FRMD5: variants seen among roughly 807,000 people sequenced by gnomAD.
The protein encoded by FRMD5 is FERM domain-containing protein 5.
FRMD5 carries 20 observed loss-of-function variants against 69.0 expected under a neutral mutation model. The ratio of observed to expected loss-of-function variants is 0.29; its 90% CI spans 0.20 to 0.42. FRMD5 has a LOEUF of 0.42. Among genes scored for constraint, FRMD5 ranks in the 10% least tolerant of loss-of-function variants. The pLI, the probability that FRMD5 is intolerant of heterozygous loss-of-function variation, is 1.00. For synonymous variants in FRMD5, 271 were observed against 260.1 expected (o/e 1.04, Z -0.40); for missense variants, 595 against 708.6 (o/e 0.84, Z 1.82).
intron 1 of FRMD5, among the ~76,000 whole-genome samples, chr15:44,084,511 A>T (rs1894115039): frequency 6.6e-6 from 1 of 152,126 alleles, no homozygotes; most frequent in Admixed American, 6.6e-5. Flanking sequence ...ATATGAATTC[A>T]GATATAAATG....
chr15:43,997,309 A>G (rs1190397774), intron 1 of FRMD5, among the ~76,000 whole-genome samples: 1 of 151,456 alleles, frequency 6.6e-6, no homozygotes, highest in Non-Finnish European at 1.5e-5. Context: ...TTCTCTGCGC[A>G]CTCCTCTCCC....
chr15:44,062,605 G>A (rs1422651422), intron 1 of FRMD5, among the ~76,000 whole-genome samples: 1 of 150,504 alleles, frequency 6.6e-6, no homozygotes, highest in South Asian at 2.1e-4. Context: ...GCAGAGAACT[G>A]CTTGAACCTG....
chr15:43,985,227 G>A (rs1396373264), intron 1 of FRMD5, among the ~76,000 whole-genome samples: 1 of 140,028 alleles, frequency 7.1e-6, no homozygotes, highest in Non-Finnish European at 1.5e-5. Context: ...CTTGCAGTGA[G>A]CCGAGATCGG....
At chr15:43,947,229 G>A (rs957730872) in intron 1 of FRMD5, among the ~76,000 whole-genome samples, 3 of 152,196 alleles carry the variant, frequency 2.0e-5, no homozygotes, top group Admixed American at 6.5e-5. Flanking sequence ...AGCGGTGGCT[G>A]CTAGATATTT....
intron 1 of FRMD5, among the ~76,000 whole-genome samples, chr15:44,145,751 A>C (rs2077345999): frequency 6.6e-6 from 1 of 152,160 alleles, no homozygotes; most frequent in Admixed American, 6.5e-5. Flanking sequence ...CATGGCTACC[A>C]AGGATAATTC....
At chr15:44,056,570 G>A (rs992885291) in intron 1 of FRMD5, among the ~76,000 whole-genome samples, 4 of 152,110 alleles carry the variant, frequency 2.6e-5, no homozygotes, top group Non-Finnish European at 1.5e-5. Flanking sequence ...CCTAATGACA[G>A]TTTTAGTTAC....
chr15:44,147,264 GT>G (rs1208425055), intron 1 of FRMD5, among the ~76,000 whole-genome samples: 2 of 152,094 alleles, frequency 1.3e-5, no homozygotes, highest in East Asian at 3.9e-4. Flanking sequence ...TCTGTTGCTT[GT>G]TTTTGTCAGG....
intron 1 of FRMD5, among the ~76,000 whole-genome samples, chr15:44,053,048 T>C (rs1892731736): frequency 6.6e-6 from 1 of 152,160 alleles, no homozygotes; most frequent in Non-Finnish European, 1.5e-5. Flanking sequence ...GAGATAATAC[T>C]GCAGGGAGAC....
At chr15:43,972,138 A>T (rs1178172320) in intron 1 of FRMD5, among the ~76,000 whole-genome samples, 1 of 150,952 alleles carries the variant, frequency 6.6e-6, no homozygotes. Context: ...CTCCAAAGAA[A>T]GATACAACAG....
Position 44,106,952 on chromosome 15 carries a change from T to C in FRMD5, c.102+88001A>G, listed in dbSNP as rs78803012. On this transcript the variant is annotated intron_variant, in intron 1 of 13. Coordinates refer to ENST00000417257, the MANE Select transcript of FRMD5 (RefSeq NM_032892.5). ...GATGATATATGGTATATTTTTACCA[T>C]TTTAGATGTTTAAACTGAGAAATTT... Among the ~76,000 whole-genome samples, 356 of 152,312 alleles carry C rather than the reference T, an allele frequency of 2.3e-3. 8 individuals are homozygous for C. The East Asian group carries it at 0.06, about 25-fold the overall frequency.
chr15:44,056,291 G>A (rs904733540), intron 1 of FRMD5, among the ~76,000 whole-genome samples: 1 of 152,054 alleles, frequency 6.6e-6, no homozygotes, highest in Non-Finnish European at 1.5e-5. Flanking sequence ...AAACAAACCA[G>A]GATAGAAAAA....
At chr15:44,042,772 G>A (rs1403302392) in intron 1 of FRMD5, among the ~76,000 whole-genome samples, 4 of 152,284 alleles carry the variant, frequency 2.6e-5, no homozygotes, top group East Asian at 3.9e-4. Flanking sequence ...CTGATGGAAC[G>A]TATCTCAAAA....
At chr15:43,954,063 C>A (rs542538950) in intron 1 of FRMD5, among the ~76,000 whole-genome samples, 5 of 152,316 alleles carry the variant, frequency 3.3e-5, no homozygotes, top group African/African-American at 1.2e-4. Context: ...GAGAAATCTG[C>A]CAGAGCTGAG....
intron 5 of FRMD5, among the ~76,000 whole-genome samples, 193 bp downstream of exon 5, chr15:43,909,689 A>G (rs1027166906): frequency 2.6e-5 from 4 of 152,240 alleles, no homozygotes; most frequent in Admixed American, 2.0e-4. Flanking sequence ...CATGTTGGCC[A>G]GTCTGGTCTC....
chr15:43,967,561 C>T (rs2090314365), intron 1 of FRMD5, among the ~76,000 whole-genome samples: 1 of 152,202 alleles, frequency 6.6e-6, no homozygotes, highest in East Asian at 1.9e-4. Context: ...CATTTATCTG[C>T]ATAACATCCT....
intron 1 of FRMD5, among the ~76,000 whole-genome samples, chr15:44,165,984 A>G (rs1371287782): frequency 1.3e-5 from 2 of 152,142 alleles, no homozygotes; most frequent in Non-Finnish European, 2.9e-5. Flanking sequence ...TGGTATAAAA[A>G]TTATTTTCTT....
chr15:43,882,674 T>C (rs1164845720), intron 13 of FRMD5, among the ~76,000 whole-genome samples: 2 of 152,006 alleles, frequency 1.3e-5, no homozygotes, highest in African/African-American at 2.4e-5. Context: ...CAGATTTCTA[T>C]AGCTGAAGCA....
intron 1 of FRMD5, among the ~76,000 whole-genome samples, chr15:44,129,558 A>G (rs1023051108): frequency 8.5e-5 from 13 of 152,102 alleles, no homozygotes; most frequent in Admixed American, 2.6e-4. Flanking sequence ...AGTTAAAGTA[A>G]TCCTTAGAGG....
chr15:44,188,421 C>T (rs1397737800), intron 1 of FRMD5, among the ~76,000 whole-genome samples: 6 of 152,208 alleles, frequency 3.9e-5, no homozygotes, highest in Non-Finnish European at 8.8e-5. Flanking sequence ...TCAATCAACA[C>T]TTGTCCATTT....
Sources: gnomAD v4.1 joint callset for allele counts (sites outside exome capture counted in the v4.1 genomes callset) on GRCh38, gnomAD v4.1.1 for gene constraint, MANE v1.5 for transcripts, NCBI Gene and HGNC (gene_info 2026-07-23, HGNC 2026-07-21) for gene names.